The following SPACA6 variants were observed in gnomAD, a reference collection of about 807,000 sequenced individuals.
SPACA6 encodes the protein sperm acrosome membrane-associated protein 6.
For synonymous variants in SPACA6, 6 were observed against 1.5 expected, an observed-to-expected ratio of 4.05 and a Z score of -2.21; for missense variants, 8 against 2.8, an observed-to-expected ratio of 2.88 and a Z score of -1.34.
At chr19:51,710,255 CTTAA>C (rs372184580), downstream of SPACA6, among the ~76,000 whole-genome samples, 11 of 152,326 alleles carry the variant, frequency 7.2e-5, no homozygotes, top group African/African-American at 2.4e-4. Flanking sequence ...AGGCAAGCTT[CTTAA>C]TTGTTTCTAT....
At position 51,705,100 on chromosome 19, in the gene SPACA6, C is replaced by T. The variant is rs1242653617; in HGVS notation, c.952C>T (p.Arg318Ter). The change falls in exon 9 of 9, where the codon CGA becomes TGA. Residue 318 changes from arginine to a stop codon, truncating the protein, a stop_gained. Transcript: ENST00000637797. LOFTEE classifies it high-confidence loss of function. ...SATVLAWMFF[R>*]WYCSGN ...TCTTTGTTTCCCCAGGATGTTCTTT[C>T]GATGGTACTGCAGTGGCAACTAACA... 1 of 401,192 alleles carries T rather than the reference C, an allele frequency of 2.5e-6. No homozygotes were observed. Among genetic ancestry groups the T allele is most frequent in the Non-Finnish European group, 4.4e-6 (1 of 226,286 alleles). 24.9% of individuals were successfully genotyped at this position (401,192 alleles called of 1,614,324 possible).
At chr19:51,683,240 T>C in the SPACA6 span, among the ~76,000 whole-genome samples, 1 of 152,178 alleles carries the variant, frequency 6.6e-6, no homozygotes, top group African/African-American at 2.4e-5. Flanking sequence ...CATCATCACA[T>C]GGCCTTCTTC....
At chr19:51,710,490 G>A (rs2864922) in intron 2 of SPACA6, among the ~76,000 whole-genome samples, 26,509 of 152,178 alleles carry the variant, frequency 0.17, 2,435 homozygotes, top group South Asian at 0.25. Context: ...CAGGTTTCAC[G>A]GGGATTAGCA....
At position 51,703,801 on chromosome 19, in the gene SPACA6, G is replaced by T. The variant is rs2083489590; in HGVS notation, c.574-229G>T. ...CGCCAGAACGAGACCCTGTCTGGAAGAAAAAAAAAATACATAAATAAAAGC... is the reference window on the plus strand; with the variant it reads ...CGCCAGAACGAGACCCTGTCTGGAATAAAAAAAAAATACATAAATAAAAGC... On this transcript the variant is annotated intron_variant, in intron 6 of 8. Transcript: ENST00000637797. This position sits in a 1 kb window ranked among gnomAD's most constrained non-coding sequence, Gnocchi z 4.2. 6.7e-6 allele frequency among the ~76,000 whole-genome samples: 1 copy of T among 148,444 alleles called. No individual in the cohort carries two copies. The highest frequency in any genetic ancestry group is 1.5e-5 in the Non-Finnish European group (1 of 66,882).
chr19:51,693,372 T>G lies in SPACA6; in HGVS notation c.-155T>G. The G allele has an allele frequency of 1.4e-6, 1 of 713,604 alleles. No individual in the cohort carries two copies. The highest frequency in any genetic ancestry group is 2.7e-6 in the Non-Finnish European group (1 of 377,150). 44.2% of individuals were successfully genotyped at this position (713,604 alleles called of 1,614,324 possible). ...ACACCTGGGGAATTGCTGGCCTGAC[T>G]TCTGACCCCTGACTCCTCATACCCT... On this transcript the variant is annotated 5_prime_UTR_variant, in exon 1 of 9. Coordinates refer to ENST00000637797, the MANE Select transcript of SPACA6 (RefSeq NM_001316972.2).
rs2083487020 is a variant in SPACA6, at chr19:51,703,529, GCTC to G, written c.573+193_573+195del. Among the ~76,000 whole-genome samples the G allele has an allele frequency of 6.6e-6, 1 of 152,190 alleles. No individual in the cohort carries two copies. Among genetic ancestry groups the G allele is most frequent in the Admixed American group, 6.5e-5 (1 of 15,278 alleles). On this transcript the variant is annotated intron_variant, in intron 6 of 8. Transcript: ENST00000637797. The surrounding 1 kb of genome is among the most constrained non-coding windows in gnomAD (Gnocchi z 4.2). ...GCAGGACCAAGGACCTGGGGCGATG[GCTC>G]ACGCCTGTAATCCCAGCGCTTTTGG... is the stretch of plus-strand genomic sequence containing the variant.
chr19:51,697,874 G>A (rs1568617368), intron 2 of SPACA6, among the ~76,000 whole-genome samples: 1 of 152,162 alleles, frequency 6.6e-6, no homozygotes, highest in Non-Finnish European at 1.5e-5. Context: ...TGTGATTTTG[G>A]ACCACTTCTC....
chr19:51,687,447 G>A (rs1413811907), upstream of SPACA6: 1 of 144,664 alleles, frequency 6.9e-6, no homozygotes, highest in African/African-American at 2.6e-5. Flanking sequence ...GAATGAGGAG[G>A]TTCTATAAGC....
At chr19:51,689,533 C>T (rs1600128960), upstream of SPACA6, 1 of 139,448 alleles carries the variant, frequency 7.2e-6, no homozygotes, top group Admixed American at 7.4e-5. Context: ...CCTGCGGGCC[C>T]GGGGCGGCGG....
downstream of SPACA6, among the ~76,000 whole-genome samples, chr19:51,709,101 C>T (rs966205963): frequency 1.3e-4 from 19 of 151,840 alleles, no homozygotes; most frequent in Admixed American, 2.6e-4. Context: ...TGGTGGCTCA[C>T]ACCTGTAATC....
chr19:51,689,314 C>G (rs1320267047), upstream of SPACA6: 2 of 150,756 alleles, frequency 1.3e-5, no homozygotes, highest in African/African-American at 2.4e-5. Flanking sequence ...CGGGGGGCCC[C>G]CTGGGGAGGG....
In SPACA6 at chr19:51,703,900, GAAGGCTCGGGGGCGGGCTC is replaced by G. The variant is rs2083490776; in HGVS notation, c.574-122_574-104del. ...GGGTGCGTTTAGGGCAGGGGAGCGA[GAAGGCTCGGGGGCGGGCTC>G]AAGGCTCAGGGCCAGGACTCCAGGG... On this transcript the variant is annotated intron_variant, in intron 6 of 8. Transcript: ENST00000637797. This position sits in a 1 kb window ranked among gnomAD's most constrained non-coding sequence, Gnocchi z 4.2. 2.5e-6 allele frequency: 1 copy of G among 397,236 alleles called. No homozygotes were observed. Among genetic ancestry groups the G allele is most frequent in the Non-Finnish European group, 4.4e-6 (1 of 225,998 alleles). The allele number at this position is 397,236 out of a possible 1,614,324, so 24.6% of individuals were successfully genotyped here. A position where few individuals can be genotyped will look rare whatever the true frequency, so the allele number is the denominator to read the frequency against.
chr19:51,703,864 G>A lies in SPACA6; in HGVS notation c.574-166G>A, dbSNP rs1048917844. 1.8e-5 allele frequency: 7 copies of A among 397,164 alleles called. No homozygotes were observed. The Admixed American group carries it at 3.1e-4, about 18-fold the overall frequency. 24.6% of individuals were successfully genotyped at this position (397,164 alleles called of 1,614,324 possible). ...TAGGTTATGCGTAAGGGTTTAAGGA[G>A]TGAGGGGAAGGGGTGCGTTTAGGGC... On this transcript the variant is annotated intron_variant, in intron 6 of 8. Transcript: ENST00000637797. This position sits in a 1 kb window ranked among gnomAD's most constrained non-coding sequence, Gnocchi z 4.2.
chr19:51,684,689 A>G (rs920211133), upstream of SPACA6, among the ~76,000 whole-genome samples: 2 of 152,164 alleles, frequency 1.3e-5, no homozygotes, highest in South Asian at 4.1e-4. Context: ...ATACATTAAC[A>G]CTAATGATAG....
upstream of SPACA6, among the ~76,000 whole-genome samples, chr19:51,688,953 A>AGAGAGAGC (rs1555791947): frequency 2.0e-5 from 3 of 150,380 alleles, no homozygotes; most frequent in African/African-American, 4.9e-5. Context: ...AGAGAGGGAG[A>AGAGAGAGC]GAGAGAGCGA....
At chr19:51,690,336 C>T (rs541818364), upstream of SPACA6, among the ~76,000 whole-genome samples, 1 of 152,248 alleles carries the variant, frequency 6.6e-6, no homozygotes, top group Non-Finnish European at 1.5e-5. Flanking sequence ...ACCTCAGCCC[C>T]TCTTCCCAAG....
chr19:51,695,245 G>A (rs1189678882), intron 2 of SPACA6, among the ~76,000 whole-genome samples: 1 of 152,184 alleles, frequency 6.6e-6, no homozygotes, highest in African/African-American at 2.4e-5. Context: ...TGAGGTGTGT[G>A]GCTGTGCGAA....
intron 2 of SPACA6, among the ~76,000 whole-genome samples, chr19:51,698,481 G>A (rs1181082822): frequency 6.6e-6 from 1 of 151,932 alleles, no homozygotes; most frequent in Admixed American, 6.6e-5. Flanking sequence ...CATTTGATTT[G>A]GCACATAGAA....
At chr19:51,688,881 CAG>C, upstream of SPACA6, among the ~76,000 whole-genome samples, 1 of 136,782 alleles carries the variant, frequency 7.3e-6, no homozygotes, top group South Asian at 2.4e-4. Flanking sequence ...ATGACAGGAG[CAG>C]AGAGGAGGAG....
Sources: allele counts gnomAD v4.1 joint callset (sites outside exome capture counted in the v4.1 genomes callset), GRCh38; gene constraint gnomAD v4.1.1; non-coding constraint Gnocchi (gnomAD v3.1); transcripts MANE v1.5; gene names NCBI Gene and HGNC (gene_info 2026-07-23, HGNC 2026-07-21).